The following TRAPPC8 variants were observed in gnomAD, a reference collection of about 807,000 sequenced individuals.
The protein encoded by TRAPPC8 is trafficking protein particle complex subunit 8, also known as general sporulation gene 1 homolog.
TRAPPC8 carries 54 observed loss-of-function variants against 174.3 expected under a neutral mutation model. The ratio of observed to expected loss-of-function variants is 0.31; its 90% CI spans 0.25 to 0.39. The LOEUF (loss-of-function observed/expected upper bound fraction) is 0.39. Ranked by LOEUF, TRAPPC8 falls within the 10% of genes least tolerant of loss-of-function variation. The pLI, the probability that TRAPPC8 is intolerant of heterozygous loss-of-function variation, is 1.00. For synonymous variants in TRAPPC8, 630 were observed against 579.9 expected, an observed-to-expected ratio of 1.09 and a Z score of -1.24; for missense variants, 1,531 against 1,699.1, an observed-to-expected ratio of 0.90 and a Z score of 1.74.
At chr18:31,903,433 A>T (rs1184760109) in intron 9 of TRAPPC8, among the ~76,000 whole-genome samples, 1 of 152,182 alleles carries the variant, frequency 6.6e-6, no homozygotes, top group Non-Finnish European at 1.5e-5. Context: ...GTTATGGTGT[A>T]TATATACTAC....
intron 12 of TRAPPC8, among the ~76,000 whole-genome samples, chr18:31,889,247 T>C (rs1272701795): frequency 2.6e-5 from 4 of 152,304 alleles, no homozygotes; most frequent in Non-Finnish European, 5.9e-5. Flanking sequence ...AGATAGCAAA[T>C]GTATCTCAAC....
In TRAPPC8 at chr18:31,865,915, T is replaced by C. The variant is rs372205015; in HGVS notation, c.2590+934A>G. Among the ~76,000 whole-genome samples, 51 of 152,016 alleles carry C rather than the reference T, an allele frequency of 3.4e-4. No homozygotes were observed. The East Asian group carries it at 3.9e-3, about 11-fold the overall frequency. On this transcript the variant is annotated intron_variant, in intron 18 of 28. Transcript: ENST00000283351. ...TGCAGAATACCTTACTCAATTTTAG[T>C]GCAAATTTTTTTCTTTAGTAAAATG...
intron 2 of TRAPPC8, 63 bp downstream of exon 2, chr18:31,931,266 G>A: frequency 7.0e-7 from 1 of 1,420,846 alleles, no homozygotes; most frequent in Non-Finnish European, 9.4e-7. Context: ...CCAAGTCATA[G>A]AATCGCTTTT....
intron 9 of TRAPPC8, among the ~76,000 whole-genome samples, chr18:31,905,142 C>T (rs575822361): frequency 3.9e-5 from 6 of 152,210 alleles, no homozygotes; most frequent in African/African-American, 1.2e-4. Context: ...TCTAAAAAGG[C>T]ATACGATCTA....
intron 1 of TRAPPC8, 26 bp downstream of exon 1, chr18:31,942,582 A>G (rs768467391): frequency 2.0e-6 from 3 of 1,499,156 alleles, no homozygotes; most frequent in South Asian, 1.3e-5. Flanking sequence ...GCGGGAGCCC[A>G]CTGGAAAAGG....
chr18:31,922,488 G>A (rs976793365), intron 2 of TRAPPC8, among the ~76,000 whole-genome samples: 8 of 152,240 alleles, frequency 5.3e-5, no homozygotes. Flanking sequence ...CTACTCGAGA[G>A]GCTGAGGTGG....
At chr18:31,854,068 A>C (rs2145074438) in intron 21 of TRAPPC8, 123 bp from the exon 22 acceptor site, 1 of 718,152 alleles carries the variant, frequency 1.4e-6, no homozygotes, top group South Asian at 1.8e-5. Flanking sequence ...ATGCAATTAC[A>C]ATATACATTT....
At chr18:31,839,268 C>T in intron 27 of TRAPPC8, 44 bp downstream of exon 27, 1 of 1,560,830 alleles carries the variant, frequency 6.4e-7, no homozygotes, top group Non-Finnish European at 8.7e-7. Context: ...ATACACGTGC[C>T]AGTGTGTTGT....
intron 19 of TRAPPC8, among the ~76,000 whole-genome samples, chr18:31,863,791 G>C (rs1362706714): frequency 6.6e-6 from 1 of 151,906 alleles, no homozygotes; most frequent in African/African-American, 2.4e-5. Flanking sequence ...TCAGGTATAA[G>C]CCTGATCCAA....
chr18:31,864,745 T>C lies in TRAPPC8; in HGVS notation c.2627A>G (p.Gln876Arg). The C allele has an allele frequency of 6.2e-7, 1 of 1,612,180 alleles. No individual in the cohort carries two copies. Among genetic ancestry groups the C allele is most frequent in the Non-Finnish European group, 8.5e-7 (1 of 1,179,178 alleles). The change falls in exon 19 of 29, where the codon CAG becomes CGG. Residue 876 changes from glutamine to arginine, a missense_variant. Gln to Arg is a conservative substitution (Grantham distance 43, BLOSUM62 1). Coordinates refer to ENST00000283351, the MANE Select transcript of TRAPPC8 (RefSeq NM_014939.5). Reference protein sequence around the residue: ...YSLSMSVRGKQDLEIQGPRLN... With the variant: ...YSLSMSVRGKRDLEIQGPRLN... ...TCGAGGACCTTGAATTTCTAAATCC[T>C]GCTTCCCTCGGACTGACATACTCAA...
In TRAPPC8 at chr18:31,931,347, A is replaced by C. The variant is rs35451943; in HGVS notation, c.334T>G (p.Tyr112Asp). ...TACATACCACTGATGTTAAGGTCATAATCTCCTGCTGTAATCACATTAGCT... is the reference window on the plus strand; with the variant it reads ...TACATACCACTGATGTTAAGGTCATCATCTCCTGCTGTAATCACATTAGCT... ...LVANVITAGD[Y>D]DLNISATTPW... Residue 112 changes from tyrosine (Y) to aspartate (D), a missense_variant, in exon 2 of 29, where the codon TAT (tyrosine) becomes GAT (aspartate). By Grantham distance (160) the Tyr-to-Asp change is radical. Transcript: ENST00000283351. 6.3e-7 allele frequency: 1 copy of C among 1,582,302 alleles called. No individual in the cohort carries two copies. Among genetic ancestry groups the C allele is most frequent in the Admixed American group, 1.9e-5 (1 of 53,970 alleles).
chr18:31,928,411 A>C (rs1286531389), intron 2 of TRAPPC8, among the ~76,000 whole-genome samples: 1 of 151,798 alleles, frequency 6.6e-6, no homozygotes, highest in Non-Finnish European at 1.5e-5. Flanking sequence ...AGTCCCACCT[A>C]CTCAGGAGGC....
In TRAPPC8 at chr18:31,852,519, AAAAC is replaced by A. The variant is rs1158481370; in HGVS notation, c.3503-19_3503-16del. 2 of 1,614,040 alleles carry A rather than the reference AAAAC, an allele frequency of 1.2e-6. No homozygotes were observed. Among genetic ancestry groups the A allele is most frequent in the African/African-American group, 2.7e-5 (2 of 74,930 alleles). On this transcript the variant is annotated splice_polypyrimidine_tract_variant and intron_variant, in intron 23 of 28. Coordinates refer to ENST00000283351, the MANE Select transcript of TRAPPC8 (RefSeq NM_014939.5). ...CTGTGTGGCCGCTAAAAAACAGGGG[AAAAC>A]AAACTAATCATATCATTGGCATAAA...
intron 12 of TRAPPC8, among the ~76,000 whole-genome samples, chr18:31,884,340 G>A (rs988745069): frequency 1.3e-5 from 2 of 152,158 alleles, no homozygotes; most frequent in Admixed American, 6.5e-5. Context: ...CACTGCACTG[G>A]CCTGAATGGA....
intron 1 of TRAPPC8, among the ~76,000 whole-genome samples, chr18:31,938,504 T>A (rs1491002929): frequency 6.6e-6 from 1 of 152,102 alleles, no homozygotes; most frequent in Non-Finnish European, 1.5e-5. Context: ...AGTACTCAAA[T>A]CTCTTCTACC....
rs115931736 is a variant in TRAPPC8 at position 31,898,800 on chromosome 18, C to G, written c.1491-909G>C. On this transcript the variant is annotated intron_variant, in intron 10 of 28. Coordinates refer to ENST00000283351, the MANE Select transcript of TRAPPC8 (RefSeq NM_014939.5). ...AAGAATAAAAACAAATGAAAACATT[C>G]TTACTATGAAATTACAAGATGGAAT... is the stretch of plus-strand genomic sequence containing the variant. Among the ~76,000 whole-genome samples the G allele has an allele frequency of 7.3e-3, 1,105 of 152,248 alleles. 15 individuals are homozygous for G. Among genetic ancestry groups the G allele is most frequent in the African/African-American group, 0.026 (1,060 of 41,548 alleles).
intron 25 of TRAPPC8, among the ~76,000 whole-genome samples, chr18:31,849,324 G>A (rs548400796): frequency 6.6e-6 from 1 of 151,998 alleles, no homozygotes; most frequent in African/African-American, 2.4e-5. Flanking sequence ...CCTGCTTTCA[G>A]AGCTTATCAT....
intron 5 of TRAPPC8, among the ~76,000 whole-genome samples, chr18:31,910,575 A>C (rs1227480628): frequency 1.3e-5 from 2 of 152,242 alleles, no homozygotes; most frequent in African/African-American, 4.8e-5. Context: ...GCAAAGGTCA[A>C]GAATTTTTTA....
At chr18:31,844,497 A>G (rs1421985384) in intron 26 of TRAPPC8, 1 of 152,184 alleles carries the variant, frequency 6.6e-6, no homozygotes, top group African/African-American at 2.4e-5. Context: ...GTTACACTTC[A>G]GTAAAAAGTT....
Sources: gnomAD v4.1 joint callset for allele counts (sites outside exome capture counted in the v4.1 genomes callset) on GRCh38, gnomAD v4.1.1 for gene constraint, MANE v1.5 for transcripts, NCBI Gene and HGNC (gene_info 2026-07-23, HGNC 2026-07-21) for gene names.